The following KMT2D variants were observed in gnomAD, a reference collection of about 807,000 sequenced individuals.
KMT2D encodes lysine methyltransferase 2D, also known as histone-lysine N-methyltransferase 2D.
A neutral mutation model predicts 512.7 loss-of-function variants in KMT2D; 55 were observed. The ratio of observed to expected loss-of-function variants is 0.11; its 90% CI spans 0.09 to 0.13. KMT2D has a LOEUF of 0.13. Ranked by LOEUF, KMT2D falls within the 10% of genes least tolerant of loss-of-function variation. The pLI is 1.00. For synonymous variants in KMT2D, 2,995 were observed against 2,904.0 expected, an observed-to-expected ratio of 1.03 and a Z score of -1.01; for missense variants, 6,061 against 7,127.9, an observed-to-expected ratio of 0.85 and a Z score of 5.39.
In KMT2D at chr12:49,050,443, G is replaced by A. The variant is rs2120650772; in HGVS notation, c.3145C>T (p.Leu1049=). The change falls in exon 12 of 55, where the codon CTG becomes TTG. Residue 1049 remains leucine, a synonymous_variant. Transcript: ENST00000301067. ...GGACTCAACGGGGAGGGAACGGACAGTGGTAGGGCAGGAGGAGAGCACTGG... is the reference window on the plus strand; with the variant it reads ...GGACTCAACGGGGAGGGAACGGACAATGGTAGGGCAGGAGGAGAGCACTGG... ...PSQCSPPALP[L]SVPSPLSPIG... 1 of 1,614,000 alleles carries A rather than the reference G, an allele frequency of 6.2e-7. No homozygotes were observed. Among genetic ancestry groups the A allele is most frequent in the Non-Finnish European group, 8.5e-7 (1 of 1,179,866 alleles).
Position 49,049,725 on chromosome 12 carries a change from T to G in KMT2D, c.3863A>C (p.Lys1288Thr), listed in dbSNP as rs1937810578. ...GGCTGGGGAGCTGCGCCGCCGCCCC[T>G]TCTCCCCCTCAGCTTTGCCTCCGCT... Reference protein sequence around the residue: ...AISGGKAEGEKGRRRSSPARS... With the variant: ...AISGGKAEGETGRRRSSPARS... The change falls in exon 12 of 55, where the codon AAG becomes ACG. Residue 1288 changes from lysine to threonine, a missense_variant. Physicochemically the swap from Lys to Thr is moderately conservative, Grantham distance 78 (BLOSUM62 -1). Around this residue, in one of 16 missense-constraint regions of KMT2D, gnomAD observed 447 missense variants for 500.1 expected, o/e 0.89. Transcript: ENST00000301067. 1 of 1,603,770 alleles carries G rather than the reference T, an allele frequency of 6.2e-7. No individual in the cohort carries two copies. The highest frequency in any genetic ancestry group is 8.5e-7 in the Non-Finnish European group (1 of 1,171,746).
chr12:49,053,045 C>T lies in KMT2D; in HGVS notation c.982G>A (p.Ala328Thr). The T allele has an allele frequency of 1.2e-6, 2 of 1,614,070 alleles. No individual in the cohort carries two copies. Among genetic ancestry groups the T allele is most frequent in the Non-Finnish European group, 1.7e-6 (2 of 1,179,896 alleles). The change falls in exon 9 of 55, where the codon GCG becomes ACG. Residue 328 changes from alanine to threonine, a missense_variant. Around this residue, in one of 16 missense-constraint regions of KMT2D, gnomAD observed 848 missense variants for 838.5 expected, o/e 1.01. Transcript: ENST00000301067. ...TTGGGATTCAGTTCTGCTGAGCCCG[C>T]CCCACAGGCCCGGCACACCCGGCAC... ...KACRVCRACGAGSAELNPNSE... is the reference protein window; with the variant it reads ...KACRVCRACGTGSAELNPNSE...
At chr12:49,035,020 A>G (rs2120463534) in intron 35 of KMT2D, 85 bp from the exon 36 acceptor site, 1 of 1,540,870 alleles carries the variant, frequency 6.5e-7, no homozygotes, top group Non-Finnish European at 8.9e-7. Flanking sequence ...TCCTGACTTC[A>G]ACCACGCCAG....
chr12:49,030,470 A>C, intron 42 of KMT2D, 31 bp from the exon 43 acceptor site: 1 of 1,345,310 alleles, frequency 7.4e-7, no homozygotes, highest in South Asian at 1.3e-5. Context: ...TGTTGTGTGC[A>C]AGATGGCATA....
Position 49,050,347 on chromosome 12 carries a change from G to A in KMT2D, c.3241C>T (p.Pro1081Ser), listed in dbSNP as rs776189229. Residue 1081 changes from proline (P) to serine (S), a missense_variant, in exon 12 of 55, where the codon CCT becomes TCT. Around this residue, in one of 16 missense-constraint regions of KMT2D, gnomAD observed 447 missense variants for 500.1 expected, o/e 0.89. Coordinates refer to ENST00000301067, the MANE Select transcript of KMT2D (RefSeq NM_003482.4). ...CTGGGTTCCAAGGCTGGGCATTCAG[G>A]TTCTGAAACTTTCTCAGTCTCCATC... ...HEMETEKVSE[P>S]ECPALEPSAT... is the part of the protein sequence containing the mutation. 6.2e-7 allele frequency: 1 copy of A among 1,611,632 alleles called. No homozygotes were observed. Among genetic ancestry groups the A allele is most frequent in the Non-Finnish European group, 8.5e-7 (1 of 1,178,794 alleles).
Position 49,037,864 on chromosome 12 carries a change from C to T in KMT2D, c.9492G>A (p.Arg3164=), listed in dbSNP as rs1381686862. 4 of 1,596,192 alleles carry T rather than the reference C, an allele frequency of 2.5e-6. No individual in the cohort carries two copies. In the Admixed American group the frequency reaches 5.2e-5, roughly 21 times the overall value. The change falls in exon 35 of 55, where the codon CGG becomes CGA. Residue 3164 remains arginine (R), a synonymous_variant. Transcript: ENST00000301067. ...ATGGCCCTGTGCCCATCCGGGTATC[C>T]CGGCTGCCCATCATGCTCTGTCCTG... ...LKPGQSMMGS[R]DTRMGTGPFS...
Position 49,046,343 on chromosome 12 carries a change from G to A in KMT2D, c.4500C>T (p.Pro1500=), listed in dbSNP as rs781649539. ...EWQNSYTHCG[P]CASLVTCPIC... is the part of the protein sequence containing the mutation. Reference sequence around the variant, plus strand: ...TAGGGCAGGTCACCAGGCTGGCACAGGGCCCACAGTGTGTGTAACTATTCT... The same window carrying A: ...TAGGGCAGGTCACCAGGCTGGCACAAGGCCCACAGTGTGTGTAACTATTCT... The change falls in exon 17 of 55, where the codon CCC becomes CCT. Residue 1500 remains proline, a synonymous_variant. Transcript: ENST00000301067. This position sits in a 1 kb window ranked among gnomAD's most constrained non-coding sequence, Gnocchi z 4.2. 9.3e-5 allele frequency: 150 copies of A among 1,613,854 alleles called. No individual in the cohort carries two copies. In the South Asian group the frequency reaches 1.5e-3, roughly 16 times the overall value.
chr12:49,021,909 C>T (rs747395395), intron 54 of KMT2D, 37 bp from the exon 55 acceptor site: 3 of 1,592,232 alleles, frequency 1.9e-6, no homozygotes, highest in Non-Finnish European at 2.6e-6. Context: ...TGCTAGTCCC[C>T]CACAGGAAGA....
rs781090162 is a variant in KMT2D, at chr12:49,051,277, C to T, written c.2406G>A (p.Glu802=). Residue 802 remains glutamate, a synonymous_variant, in exon 11 of 55, where the codon GAG becomes GAA. Coordinates refer to ENST00000301067, the MANE Select transcript of KMT2D (RefSeq NM_003482.4). ...AEGPHLSPQP[E]ELHLSPQTEE... is the part of the protein sequence containing the mutation. Reference sequence around the variant, plus strand: ...CAGTCTGGGGGGACAGGTGCAATTCCTCAGGCTGAGGGGACAGATGTGGTC... The same window carrying T: ...CAGTCTGGGGGGACAGGTGCAATTCTTCAGGCTGAGGGGACAGATGTGGTC... 1.9e-6 allele frequency: 3 copies of T among 1,551,638 alleles called. No homozygotes were observed. In the East Asian group the frequency reaches 6.8e-5, roughly 35 times the overall value.
rs373243267 is a variant in KMT2D, at chr12:49,042,025, G to A, written c.6110-35C>T. 16 of 1,611,716 alleles carry A rather than the reference G, an allele frequency of 9.9e-6. No individual in the cohort carries two copies. The highest frequency in any genetic ancestry group is 1.6e-4 in the Middle Eastern group (1 of 6,078). Reference sequence around the variant, plus strand: ...AGAGAGAGTGAGTCAGAGAAGACTTGGCAGGCGACTCCTCCACCTGCCATG... The same window carrying A: ...AGAGAGAGTGAGTCAGAGAAGACTTAGCAGGCGACTCCTCCACCTGCCATG... On this transcript the variant is annotated intron_variant, in intron 29 of 54. Transcript: ENST00000301067. The surrounding 1 kb of genome is among the most constrained non-coding windows in gnomAD (Gnocchi z 4.4).
In KMT2D at chr12:49,030,349, G is replaced by A; in HGVS notation, c.13930C>T (p.Pro4644Ser). ...VQQKMVNGVT[P>S]SEELGEHPKD... The stretch of plus-strand genomic sequence containing the variant: ...GGGTGCTCCCCCAGCTCTTCAGATG[G>A]GGTGACGCCATTCACCATCTTCTGC... The change falls in exon 43 of 55, where the codon CCA becomes TCA. Residue 4644 changes from proline to serine, a missense_variant. Physicochemically the swap from Pro to Ser is moderately conservative, Grantham distance 74. Coordinates refer to ENST00000301067, the MANE Select transcript of KMT2D (RefSeq NM_003482.4). 1 of 1,606,368 alleles carries A rather than the reference G, an allele frequency of 6.2e-7. No homozygotes were observed. Among genetic ancestry groups the A allele is most frequent in the South Asian group, 1.1e-5 (1 of 89,700 alleles).
chr12:49,025,138 C>T (rs1942510331), intron 49 of KMT2D, among the ~76,000 whole-genome samples, 192 bp from the exon 50 acceptor site: 2 of 152,178 alleles, frequency 1.3e-5, no homozygotes, highest in African/African-American at 4.8e-5. Flanking sequence ...TTTCCAACCC[C>T]AAGGGGTCAT....
Position 49,040,057 on chromosome 12 carries a change from G to A in KMT2D, c.7713C>T (p.Thr2571=), listed in dbSNP as rs2120521563. The A allele has an allele frequency of 6.2e-7, 1 of 1,613,968 alleles. No individual in the cohort carries two copies. The highest frequency in any genetic ancestry group is 8.5e-7 in the Non-Finnish European group (1 of 1,179,864). ...GINSHFGPGP[T]LGKPQSTNYT... Reference sequence around the variant, plus strand: ...AGTTTGTGCTTTGAGGCTTGCCCAAGGTGGGGCCGGGCCCAAAATGGCTGT... The same window carrying A: ...AGTTTGTGCTTTGAGGCTTGCCCAAAGTGGGGCCGGGCCCAAAATGGCTGT... The change falls in exon 32 of 55, where the codon ACC becomes ACT. Residue 2571 remains threonine (T), a synonymous_variant. Coordinates refer to ENST00000301067, the MANE Select transcript of KMT2D (RefSeq NM_003482.4).
At position 49,050,318 on chromosome 12, in the gene KMT2D, G is replaced by A. The variant is rs771188491; in HGVS notation, c.3270C>T (p.Ala1090=). The change falls in exon 12 of 55, where the codon GCC becomes GCT. Residue 1090 remains alanine (A), a synonymous_variant. Coordinates refer to ENST00000301067, the MANE Select transcript of KMT2D (RefSeq NM_003482.4). Reference sequence around the variant, plus strand: ...CCATTGGGGAAGGGAGAGGACTGGTGGCACTGGGTTCCAAGGCTGGGCATT... The same window carrying A: ...CCATTGGGGAAGGGAGAGGACTGGTAGCACTGGGTTCCAAGGCTGGGCATT... ...EPECPALEPS[A]TSPLPSPMGD... 1 of 1,611,268 alleles carries A rather than the reference G, an allele frequency of 6.2e-7. No homozygotes were observed. The highest frequency in any genetic ancestry group is 8.5e-7 in the Non-Finnish European group (1 of 1,178,644).
chr12:49,050,764 T>C lies in KMT2D; in HGVS notation c.2824A>G (p.Ile942Val). ...PDPLPPPLSP[I>V]ITAAAPPALS... ...GCCGGTGGGGCCGCAGCTGTGATGA[T>C]GGGTGAGAGTGGAGGAGGAAGGGGA... The change falls in exon 12 of 55, where the codon ATC becomes GTC. Residue 942 changes from isoleucine (I) to valine (V), a missense_variant. Around this residue, in one of 16 missense-constraint regions of KMT2D, gnomAD observed 848 missense variants for 838.5 expected, o/e 1.01. Transcript: ENST00000301067. 7 of 1,607,560 alleles carry C rather than the reference T, an allele frequency of 4.4e-6. No homozygotes were observed. The highest frequency in any genetic ancestry group is 5.1e-6 in the Non-Finnish European group (6 of 1,175,916).
At chr12:49,030,502 G>A in intron 42 of KMT2D, 63 bp from the exon 43 acceptor site, 1 of 1,414,774 alleles carries the variant, frequency 7.1e-7, no homozygotes, top group Non-Finnish European at 9.7e-7. Context: ...ATAATCTCCT[G>A]GCCCCACTCT....
chr12:49,041,220 G>T lies in KMT2D; in HGVS notation c.6550C>A (p.Pro2184Thr). Residue 2184 changes from proline (P) to threonine (T), a missense_variant, in exon 32 of 55, where the codon CCC becomes ACC. By Grantham distance (38) the Pro-to-Thr change is conservative. This residue lies in a region of KMT2D where 710 missense variants were observed against 647.3 expected (regional missense o/e 1.10). Coordinates refer to ENST00000301067, the MANE Select transcript of KMT2D (RefSeq NM_003482.4). This position sits in a 1 kb window ranked among gnomAD's most constrained non-coding sequence, Gnocchi z 5.4. ...GCCGTGGGGAAGCGGGGCTCCAGGG[G>T]ATAGGCAGGGGCCAGTCCAAAGGGG... is the stretch of plus-strand genomic sequence containing the variant. ...QDPFGLAPAY[P>T]LEPRFPTAPP... 2 of 1,512,800 alleles carry T rather than the reference G, an allele frequency of 1.3e-6. No individual in the cohort carries two copies. The allele number at this position is 1,512,800 out of a possible 1,614,324, so 93.7% of individuals were successfully genotyped here.
chr12:49,051,299 G>C lies in KMT2D; in HGVS notation c.2384C>G (p.Pro795Arg), dbSNP rs778097808. 6 of 1,577,838 alleles carry C rather than the reference G, an allele frequency of 3.8e-6. No homozygotes were observed. Among genetic ancestry groups the C allele is most frequent in the Non-Finnish European group, 4.3e-6 (5 of 1,159,498 alleles). The change falls in exon 11 of 55, where the codon CCA becomes CGA. Residue 795 changes from proline (P) to arginine (R), a missense_variant. Physicochemically the swap from Pro to Arg is moderately radical, Grantham distance 103. Around this residue, in one of 16 missense-constraint regions of KMT2D, gnomAD observed 848 missense variants for 838.5 expected, o/e 1.01. Transcript: ENST00000301067. The part of the protein sequence containing the change: ...EPHLSPQAEG[P>R]HLSPQPEELH... ...TTCCTCAGGCTGAGGGGACAGATGT[G>C]GTCCCTCAGCCTGGGGGGACAAGTG... is the stretch of plus-strand genomic sequence containing the variant.
rs2120485218 is a variant in KMT2D at position 49,037,755 on chromosome 12, G to C, written c.9601C>G (p.Leu3201Val). ...PPAHLLTPSP[L>V]SGPGGSSLLE... ...AGGGAGGATCCTCCTGGGCCACTCA[G>C]TGGGCTGGGGGTCAGCAGGTGAGCT... The change falls in exon 35 of 55, where the codon CTG becomes GTG. Residue 3201 changes from leucine to valine, a missense_variant. By Grantham distance (32) the Leu-to-Val change is conservative. Transcript: ENST00000301067. 6.3e-7 allele frequency: 1 copy of C among 1,591,358 alleles called. No homozygotes were observed. Among genetic ancestry groups the C allele is most frequent in the Non-Finnish European group, 8.6e-7 (1 of 1,168,702 alleles).
Sources: gnomAD v4.1 joint callset for allele counts (sites outside exome capture counted in the v4.1 genomes callset) on GRCh38, gnomAD v4.1.1 for gene constraint, gnomAD v4.1.1 regional missense constraint, Gnocchi (gnomAD v3.1) non-coding constraint, MANE v1.5 for transcripts, NCBI Gene and HGNC (gene_info 2026-07-23, HGNC 2026-07-21) for gene names.